Variants in RBFOX1 observed in about 807,000 individuals in gnomAD.
RBFOX1 encodes the protein RNA binding fox-1 homolog 1.
RBFOX1 carries 8 observed loss-of-function variants against 57.7 expected under a neutral mutation model. The observed-to-expected ratio is 0.14, with a 90% CI of 0.08 to 0.25. The LOEUF (loss-of-function observed/expected upper bound fraction) is 0.25. RBFOX1 is among the 10% of genes least tolerant of loss of function. RBFOX1 has a pLI of 1.00. For synonymous variants in RBFOX1, 326 were observed against 222.4 expected (o/e 1.47, Z -4.15); for missense variants, 611 against 548.5 (o/e 1.11, Z -1.14).
At chr16:6,292,871 A>G (rs866994163) in intron 1 of RBFOX1, among the ~76,000 whole-genome samples, 2 of 152,210 alleles carry the variant, frequency 1.3e-5, no homozygotes, top group Non-Finnish European at 1.5e-5. Flanking sequence ...TACAAAATAC[A>G]GTTCAAAAAA....
intron 3 of RBFOX1, among the ~76,000 whole-genome samples, chr16:6,804,790 C>G (rs573566750): frequency 6.6e-6 from 1 of 152,146 alleles, no homozygotes; most frequent in East Asian, 1.9e-4. Flanking sequence ...ACTCTATTGC[C>G]AAGTATGTGC....
chr16:6,637,753 C>G (rs2098457496), intron 2 of RBFOX1, among the ~76,000 whole-genome samples: 1 of 151,590 alleles, frequency 6.6e-6, no homozygotes, highest in Non-Finnish European at 1.5e-5. Context: ...ATCTACATCT[C>G]TTCAAGAACA....
At chr16:7,013,486 C>G (rs78784298) in intron 3 of RBFOX1, among the ~76,000 whole-genome samples, 8 of 152,100 alleles carry the variant, frequency 5.3e-5, no homozygotes, top group Admixed American at 2.6e-4. Context: ...GAAGGCATGC[C>G]TCTAAATATC....
intron 3 of RBFOX1, among the ~76,000 whole-genome samples, chr16:5,853,841 G>T (rs2056957952): frequency 1.3e-5 from 2 of 152,110 alleles, no homozygotes; most frequent in Admixed American, 6.5e-5. Context: ...CTGCAGCCTT[G>T]AACTCCTGGC....
intron 4 of RBFOX1, among the ~76,000 whole-genome samples, chr16:7,388,065 A>G (rs1358809628): frequency 6.6e-6 from 1 of 152,180 alleles, no homozygotes; most frequent in African/African-American, 2.4e-5. Flanking sequence ...ATTTAAAGGC[A>G]TCCAAAAAAT....
intron 3 of RBFOX1, among the ~76,000 whole-genome samples, chr16:6,688,145 C>T (rs1054094396): frequency 3.3e-5 from 5 of 151,842 alleles, no homozygotes; most frequent in African/African-American, 7.3e-5. Flanking sequence ...AGCACCACGG[C>T]TTCTGGGGAG....
chr16:5,342,037 A>T (rs1443795786), intron 1 of RBFOX1, among the ~76,000 whole-genome samples: 1 of 152,212 alleles, frequency 6.6e-6, no homozygotes, highest in Non-Finnish European at 1.5e-5. Flanking sequence ...CAGTGGTGGG[A>T]CAATGCTGGT....
At chr16:7,364,864 A>T (rs1596513852) in intron 4 of RBFOX1, among the ~76,000 whole-genome samples, 1 of 152,208 alleles carries the variant, frequency 6.6e-6, no homozygotes, top group Non-Finnish European at 1.5e-5. Context: ...GGAAGAGACA[A>T]TTTCTGTAAA....
rs146517320 is a variant in RBFOX1 at position 6,390,787 on chromosome 16, T to C, written c.-64+73730T>C. ...GTTAGTTTTGAGCAGGTGGATCAATTAGTGCAAAGGTCCTGGGGCAGGAAG... is the reference window on the plus strand; with the variant it reads ...GTTAGTTTTGAGCAGGTGGATCAATCAGTGCAAAGGTCCTGGGGCAGGAAG... On this transcript the variant is annotated intron_variant, in intron 2 of 15. Transcript: ENST00000550418. Among the ~76,000 whole-genome samples the C allele has an allele frequency of 8.7e-3, 1,330 of 152,206 alleles. 15 individuals carry two copies. Among genetic ancestry groups the C allele is most frequent in the Middle Eastern group, 0.02 (6 of 294 alleles).
chr16:6,320,586 A>G (rs1469809733), intron 2 of RBFOX1, among the ~76,000 whole-genome samples: 1 of 152,152 alleles, frequency 6.6e-6, no homozygotes, highest in Non-Finnish European at 1.5e-5. Context: ...GATTACCACA[A>G]TCAAGCTACT....
intron 5 of RBFOX1, among the ~76,000 whole-genome samples, chr16:7,542,821 A>AG (rs1158422024): frequency 6.6e-6 from 1 of 150,738 alleles, no homozygotes; most frequent in Non-Finnish European, 1.5e-5. Flanking sequence ...GGAAAAAAAA[A>AG]ATAGAGGAAC....
intron 2 of RBFOX1, among the ~76,000 whole-genome samples, chr16:6,572,917 C>G (rs772808163): frequency 2.6e-5 from 4 of 152,096 alleles, no homozygotes; most frequent in East Asian, 1.9e-4. Context: ...TACTAAGTGC[C>G]TACTTTGTTC....
At chr16:5,737,524 A>ATT (rs35288763) in intron 3 of RBFOX1, among the ~76,000 whole-genome samples, 19 of 128,282 alleles carry the variant, frequency 1.5e-4, no homozygotes, top group African/African-American at 5.0e-4. Context: ...AATATTCTGG[A>ATT]TTTTTTTTTT....
intron 4 of RBFOX1, among the ~76,000 whole-genome samples, chr16:7,109,589 C>A (rs2064264241): frequency 1.3e-5 from 2 of 152,082 alleles, no homozygotes; most frequent in South Asian, 4.2e-4. Flanking sequence ...GAATTTTGCA[C>A]AACCCAGGGA....
chr16:5,477,009 G>A (rs2069348887), intron 2 of RBFOX1, among the ~76,000 whole-genome samples: 1 of 152,090 alleles, frequency 6.6e-6, no homozygotes, highest in African/African-American at 2.4e-5. Flanking sequence ...CTATTTTGGT[G>A]TTTATTTATT....
intron 14 of RBFOX1, among the ~76,000 whole-genome samples, chr16:7,704,591 C>A (rs547224846): frequency 6.6e-6 from 1 of 152,170 alleles, no homozygotes; most frequent in East Asian, 1.9e-4. Context: ...CTGTTCTAGA[C>A]AGTGGGGATG....
chr16:7,034,647 G>T (rs927578739), intron 3 of RBFOX1, among the ~76,000 whole-genome samples: 5 of 151,680 alleles, frequency 3.3e-5, no homozygotes, highest in African/African-American at 1.2e-4. Context: ...CATCAGTGAG[G>T]CTAGCAGAGG....
At chr16:7,161,536 A>C (rs1226689815) in intron 4 of RBFOX1, among the ~76,000 whole-genome samples, 1 of 152,158 alleles carries the variant, frequency 6.6e-6, no homozygotes, top group African/African-American at 2.4e-5. Context: ...CAGATTCAGA[A>C]AGAGAGGTAC....
At chr16:6,259,992 C>A (rs1422077135) in intron 1 of RBFOX1, among the ~76,000 whole-genome samples, 1 of 151,406 alleles carries the variant, frequency 6.6e-6, no homozygotes, top group Non-Finnish European at 1.5e-5. Flanking sequence ...GAAAATAAGT[C>A]CATTCCCACT....
Sources: allele counts gnomAD v4.1 joint callset (sites outside exome capture counted in the v4.1 genomes callset), GRCh38; gene constraint gnomAD v4.1.1; transcripts MANE v1.5; gene names NCBI Gene and HGNC (gene_info 2026-07-23, HGNC 2026-07-21).